Variants in OSBPL3 observed in about 807,000 individuals in gnomAD.
The protein encoded by OSBPL3 is oxysterol binding protein like 3.
In OSBPL3, 65 loss-of-function variants were observed where a neutral mutation model predicts 120.1. That is an observed-to-expected ratio of 0.54 (90% CI 0.44 to 0.67). OSBPL3 has a LOEUF of 0.67. OSBPL3 is among the 30% of genes least tolerant of loss of function. The probability of loss-of-function intolerance (pLI) is 0.00; values close to 1 mark genes in which losing one functional copy is unlikely to be tolerated. For synonymous variants in OSBPL3, 416 were observed against 402.6 expected, an observed-to-expected ratio of 1.03 and a Z score of -0.40; for missense variants, 1,004 against 1,082.1, an observed-to-expected ratio of 0.93 and a Z score of 1.01.
intron 1 of OSBPL3, among the ~76,000 whole-genome samples, chr7:24,945,657 CG>C (rs1562998419): frequency 6.6e-6 from 1 of 152,162 alleles, no homozygotes; most frequent in East Asian, 1.9e-4. Flanking sequence ...TAGAAGTACA[CG>C]TAAGACCCTG....
chr7:24,801,133 C>CAAGA (rs779391334), intron 22 of OSBPL3, among the ~76,000 whole-genome samples: 3 of 146,552 alleles, frequency 2.0e-5, no homozygotes, highest in Non-Finnish European at 4.4e-5. Flanking sequence ...CCCAGCTACT[C>CAAGA]AAGAGGCCGA....
chr7:24,961,278 G>T (rs549633354), intron 1 of OSBPL3, among the ~76,000 whole-genome samples: 2 of 152,278 alleles, frequency 1.3e-5, no homozygotes, highest in South Asian at 2.1e-4. Context: ...TACTGACCTG[G>T]TTAGTATTAG....
chr7:24,811,971 T>C (rs1023373418), intron 19 of OSBPL3, among the ~76,000 whole-genome samples: 10 of 152,222 alleles, frequency 6.6e-5, no homozygotes, highest in Non-Finnish European at 1.5e-4. Flanking sequence ...TTGTGTAAGA[T>C]ACATTTGTAT....
Position 24,953,749 on chromosome 7 carries a change from A to T in OSBPL3, c.-150+26137T>A, listed in dbSNP as rs1814722065. ...GAAAATAGAACTCCAAGTCACTTAG[A>T]TCAAGGCACAACTGGAGCTCCATTT... On this transcript the variant is annotated intron_variant, in intron 1 of 22. Coordinates refer to ENST00000313367, the MANE Select transcript of OSBPL3 (RefSeq NM_015550.4). The surrounding 1 kb of genome is among the most constrained non-coding windows in gnomAD (Gnocchi z 4.3). Among the ~76,000 whole-genome samples, 1 of 152,212 alleles carries T rather than the reference A, an allele frequency of 6.6e-6. No individual in the cohort carries two copies. Among genetic ancestry groups the T allele is most frequent in the South Asian group, 2.1e-4 (1 of 4,832 alleles).
intron 1 of OSBPL3, among the ~76,000 whole-genome samples, chr7:24,969,943 G>A (rs555489311): frequency 1.3e-4 from 20 of 152,030 alleles, no homozygotes; most frequent in Non-Finnish European, 2.8e-4. Flanking sequence ...TATACCACTT[G>A]GGCCCTAATC....
intron 10 of OSBPL3, among the ~76,000 whole-genome samples, chr7:24,853,761 G>C (rs1799470180): frequency 6.6e-6 from 1 of 152,218 alleles, no homozygotes; most frequent in African/African-American, 2.4e-5. Context: ...GAAAGCGTGT[G>C]TGTGTAGAGA....
At chr7:24,981,652 A>G (rs1367786648), upstream of OSBPL3, 1 of 152,838 alleles carries the variant, frequency 6.5e-6, no homozygotes, top group Non-Finnish European at 1.5e-5. The surrounding 1 kb of genome is among the most constrained non-coding windows in gnomAD (Gnocchi z 7.3). Context: ...TCTGTTTCGG[A>G]TCTGGCAGGC....
chr7:24,845,504 A>G (rs894564704), intron 12 of OSBPL3, among the ~76,000 whole-genome samples: 1 of 147,448 alleles, frequency 6.8e-6, no homozygotes, highest in Non-Finnish European at 1.5e-5. Flanking sequence ...TTTACTTGTT[A>G]AAGTTTTAAG....
rs1415224299 is a variant in OSBPL3 at position 24,848,629 on chromosome 7, A to C, written c.1266+440T>G. On this transcript the variant is annotated intron_variant, in intron 12 of 22. Coordinates refer to ENST00000313367, the MANE Select transcript of OSBPL3 (RefSeq NM_015550.4). The stretch of plus-strand genomic sequence containing the variant: ...CCGCATTCTATAAAAGAAAAAGAAA[A>C]TCACAGAAAAGGGAGAAGGGAACAG... 2.6e-5 allele frequency among the ~76,000 whole-genome samples: 4 copies of C among 152,146 alleles called. No homozygotes were observed. In the East Asian group the frequency reaches 7.7e-4, roughly 29 times the overall value.
Position 24,943,405 on chromosome 7 carries a change from C to T in OSBPL3, c.-150+36481G>A, listed in dbSNP as rs768137584. 2.9e-4 allele frequency among the ~76,000 whole-genome samples: 44 copies of T among 152,192 alleles called. 1 individual carries two copies. The highest frequency in any genetic ancestry group is 5.1e-4 in the Non-Finnish European group (35 of 68,018). ...CTTAAAGGAAGGACAAAAAACATTT[C>T]AGTCTGTTCATTTAGTTATTTCATT... On this transcript the variant is annotated intron_variant, in intron 1 of 22. Transcript: ENST00000313367.
intron 1 of OSBPL3, among the ~76,000 whole-genome samples, chr7:24,954,843 G>A (rs155): frequency 1.3e-5 from 2 of 152,038 alleles, no homozygotes; most frequent in Non-Finnish European, 2.9e-5. Flanking sequence ...AAGGTTTTTT[G>A]GAAAGAGCAT....
chr7:24,874,327 T>G (rs1802563938), intron 2 of OSBPL3, among the ~76,000 whole-genome samples: 1 of 152,176 alleles, frequency 6.6e-6, no homozygotes, highest in South Asian at 2.1e-4. Context: ...CCCTTTTGAT[T>G]TGTTTGTTTT....
rs1285372564 is a variant in OSBPL3 at position 24,966,306 on chromosome 7, G to C, written c.-150+13580C>G. On this transcript the variant is annotated intron_variant, in intron 1 of 22. Transcript: ENST00000313367. The surrounding 1 kb of genome is among the most constrained non-coding windows in gnomAD (Gnocchi z 4.8). ...GACCCCTAGCATCTGTCAGACAAAG[G>C]TGTCTTATCTGTGGGTCAGAAAAGG... is the stretch of plus-strand genomic sequence containing the variant. 6.6e-6 allele frequency among the ~76,000 whole-genome samples: 1 copy of C among 152,118 alleles called. No homozygotes were observed. The highest frequency in any genetic ancestry group is 1.5e-5 in the Non-Finnish European group (1 of 68,032).
At chr7:24,975,776 G>A (rs528329937) in intron 1 of OSBPL3, among the ~76,000 whole-genome samples, 5 of 152,136 alleles carry the variant, frequency 3.3e-5, no homozygotes, top group Non-Finnish European at 5.9e-5. Flanking sequence ...AACTGAACTG[G>A]GAAGTTTCTC....
At chr7:24,889,566 A>T (rs1805029780) in intron 2 of OSBPL3, among the ~76,000 whole-genome samples, 1 of 152,224 alleles carries the variant, frequency 6.6e-6, no homozygotes, top group African/African-American at 2.4e-5. Context: ...AAATATATAC[A>T]ACTTTCATTT....
chr7:24,814,962 G>A, intron 19 of OSBPL3, 97 bp downstream of exon 19: 2 of 1,182,088 alleles, frequency 1.7e-6, no homozygotes, highest in Admixed American at 1.9e-5. Context: ...CTGGCATAAA[G>A]GTGAAGGCGA....
rs888105540 is a variant in OSBPL3 at position 24,806,974 on chromosome 7, T to C, written c.2318-72A>G. The C allele has an allele frequency of 2.1e-6, 3 of 1,401,180 alleles. No homozygotes were observed. The highest frequency in any genetic ancestry group is 1.4e-5 in the African/African-American group (1 of 69,318). The allele number at this position is 1,401,180 out of a possible 1,614,324, so 86.8% of individuals were successfully genotyped here. A position where few individuals can be genotyped will look rare whatever the true frequency, so the allele number is the denominator to read the frequency against. The stretch of plus-strand genomic sequence containing the variant: ...GTTACATTTTAATTCCTTCACCTTT[T>C]TCGTCTCAGCCTAGCTACAATTTTT... On this transcript the variant is annotated intron_variant, in intron 20 of 22. Transcript: ENST00000313367. This position sits in a 1 kb window ranked among gnomAD's most constrained non-coding sequence, Gnocchi z 5.2.
chr7:24,850,357 G>A (rs558099443), intron 11 of OSBPL3, among the ~76,000 whole-genome samples: 6 of 152,326 alleles, frequency 3.9e-5, no homozygotes, highest in African/African-American at 1.4e-4. Flanking sequence ...AAGTTCTCCT[G>A]ACTGTCTTCC....
Position 24,820,094 on chromosome 7 carries a change from G to A in OSBPL3, c.1948+81C>T. On this transcript the variant is annotated intron_variant, in intron 17 of 22. Coordinates refer to ENST00000313367, the MANE Select transcript of OSBPL3 (RefSeq NM_015550.4). The surrounding 1 kb of genome is among the most constrained non-coding windows in gnomAD (Gnocchi z 4.6). ...CAAGGACCACTTTTGATCTCAGTAA[G>A]AATTGACAGCAATTCTTGGATAAAA... 9.5e-7 allele frequency: 1 copy of A among 1,048,616 alleles called. No homozygotes were observed. The highest frequency in any genetic ancestry group is 1.4e-5 in the South Asian group (1 of 70,942). The allele number at this position is 1,048,616 out of a possible 1,614,324, so 65.0% of individuals were successfully genotyped here.
Sources: allele counts gnomAD v4.1 joint callset (sites outside exome capture counted in the v4.1 genomes callset), GRCh38; gene constraint gnomAD v4.1.1; non-coding constraint Gnocchi (gnomAD v3.1); transcripts MANE v1.5; gene names NCBI Gene and HGNC (gene_info 2026-07-23, HGNC 2026-07-21).